The following SLC38A12 variants were observed in gnomAD, a reference collection of about 807,000 sequenced individuals.
SLC38A12 encodes the protein putative sodium-coupled neutral amino acid transporter 12.
the SLC38A12 span, chr17:74,819,863 C>T: frequency 2.5e-5 from 40 of 1,599,480 alleles, no homozygotes; most frequent in East Asian, 7.1e-4. Flanking sequence ...AGAAACAGCT[C>T]GAGTCTCTGC....
the SLC38A12 span, chr17:74,838,553 A>G: frequency 8.7e-7 from 1 of 1,152,996 alleles, no homozygotes; most frequent in South Asian, 2.7e-5. Flanking sequence ...CCGCCCAGCC[A>G]TGGAGTCGGT....
the SLC38A12 span, among the ~76,000 whole-genome samples, chr17:74,834,686 G>A: frequency 6.6e-6 from 1 of 152,226 alleles, no homozygotes; most frequent in Non-Finnish European, 1.5e-5. Context: ...CTGTGAGCTG[G>A]CCTCTTTGGC....
At chr17:74,795,853 C>T in the SLC38A12 span, among the ~76,000 whole-genome samples, 10 of 152,280 alleles carry the variant, frequency 6.6e-5, no homozygotes, top group East Asian at 1.7e-3. Flanking sequence ...CAAAGTCAAG[C>T]GTGGTTTGGA....
At chr17:74,826,252 G>A in the SLC38A12 span, among the ~76,000 whole-genome samples, 4 of 152,190 alleles carry the variant, frequency 2.6e-5, no homozygotes, top group African/African-American at 9.7e-5. Flanking sequence ...ATTTCTGACG[G>A]AAGGCTTGAT....
At chr17:74,822,685 G>C in the SLC38A12 span, among the ~76,000 whole-genome samples, 1 of 152,204 alleles carries the variant, frequency 6.6e-6, no homozygotes, top group Admixed American at 6.5e-5. Context: ...ACCTTTCTGT[G>C]GCACAGCCCT....
At chr17:74,813,872 G>A in the SLC38A12 span, among the ~76,000 whole-genome samples, 1 of 152,176 alleles carries the variant, frequency 6.6e-6, no homozygotes, top group Non-Finnish European at 1.5e-5. Flanking sequence ...AACTGAGATG[G>A]AACTATGAGT....
At chr17:74,788,855 G>A in the SLC38A12 span, 1 of 1,613,394 alleles carries the variant, frequency 6.2e-7, no homozygotes, top group Non-Finnish European at 8.5e-7. Flanking sequence ...ACTGGAAGAG[G>A]ATGGAGAACC....
At chr17:74,838,639 T>A in the SLC38A12 span, 1 of 1,359,026 alleles carries the variant, frequency 7.4e-7, no homozygotes, top group Non-Finnish European at 9.5e-7. Context: ...CCCTCACCAC[T>A]GCCGTTGTCT....
At chr17:74,835,258 C>T in the SLC38A12 span, among the ~76,000 whole-genome samples, 1 of 152,234 alleles carries the variant, frequency 6.6e-6, no homozygotes, top group African/African-American at 2.4e-5. Context: ...CAGGACTCGG[C>T]AGTCCGCAGC....
the SLC38A12 span, among the ~76,000 whole-genome samples, chr17:74,794,786 G>A: frequency 6.6e-6 from 1 of 152,126 alleles, no homozygotes; most frequent in African/African-American, 2.4e-5. Flanking sequence ...AGTCCTCTCA[G>A]GTGAAAGTCA....
At chr17:74,835,301 G>A in the SLC38A12 span, among the ~76,000 whole-genome samples, 1 of 152,172 alleles carries the variant, frequency 6.6e-6, no homozygotes, top group Non-Finnish European at 1.5e-5. Flanking sequence ...GCCCTGGCGT[G>A]ACCACTGGCA....
the SLC38A12 span, among the ~76,000 whole-genome samples, chr17:74,786,099 G>T: frequency 2.0e-5 from 3 of 152,190 alleles, no homozygotes; most frequent in African/African-American, 7.2e-5. Context: ...TGTGGCACTC[G>T]CCTGCTGTGT....
At chr17:74,836,037 G>A in the SLC38A12 span, 64 of 1,612,788 alleles carry the variant, frequency 4.0e-5, no homozygotes, top group East Asian at 6.7e-5. This position sits in a 1 kb window ranked among gnomAD's most constrained non-coding sequence, Gnocchi z 4.2. Flanking sequence ...TGGGGTGTGC[G>A]TCTACTCCTT....
chr17:74,795,164 C>G, the SLC38A12 span: 1 of 1,450,276 alleles, frequency 6.9e-7, no homozygotes, highest in Non-Finnish European at 9.7e-7. Flanking sequence ...GCTTCCTCAG[C>G]AAGTCAGGGC....
chr17:74,825,136 C>G, the SLC38A12 span, among the ~76,000 whole-genome samples: 1 of 152,192 alleles, frequency 6.6e-6, no homozygotes, highest in Non-Finnish European at 1.5e-5. Flanking sequence ...AAGGACCCCC[C>G]AAAATGCCCC....
At chr17:74,809,588 G>A in the SLC38A12 span, among the ~76,000 whole-genome samples, 94 of 152,276 alleles carry the variant, frequency 6.2e-4, 4 homozygotes, top group East Asian at 0.015. Flanking sequence ...GGTTCTGTGC[G>A]GGAAGCTCTC....
the SLC38A12 span, among the ~76,000 whole-genome samples, chr17:74,802,697 G>A: frequency 1.3e-5 from 2 of 152,166 alleles, no homozygotes; most frequent in African/African-American, 4.8e-5. Flanking sequence ...AAATATTCCA[G>A]TGAGCATTTC....
the SLC38A12 span, among the ~76,000 whole-genome samples, chr17:74,796,104 C>G: frequency 3.4e-4 from 52 of 152,326 alleles, 2 homozygotes; most frequent in East Asian, 8.9e-3. Flanking sequence ...CTTCCCTCCT[C>G]TCATCCTCCC....
At chr17:74,823,787 C>T in the SLC38A12 span, among the ~76,000 whole-genome samples, 4 of 152,374 alleles carry the variant, frequency 2.6e-5, no homozygotes, top group East Asian at 1.9e-4. Flanking sequence ...TGCCAGGTGG[C>T]GCACCTACTG....
Sources: allele counts gnomAD v4.1 joint callset (sites outside exome capture counted in the v4.1 genomes callset), GRCh38; gene constraint gnomAD v4.1.1; non-coding constraint Gnocchi (gnomAD v3.1); transcripts MANE v1.5; gene names NCBI Gene and HGNC (gene_info 2026-07-23, HGNC 2026-07-21).